Variants in C15orf39 observed in about 807,000 individuals in gnomAD.
C15orf39 encodes uncharacterized protein C15orf39.
In C15orf39, 24 loss-of-function variants were observed where a neutral mutation model predicts 53.9. The ratio of observed to expected loss-of-function variants is 0.45; its 90% CI spans 0.32 to 0.63. The LOEUF is 0.63. Ranked by LOEUF, C15orf39 falls within the 20% of genes least tolerant of loss-of-function variation. C15orf39 has a pLI of 0.04. For synonymous variants in C15orf39, 569 were observed against 576.5 expected, an observed-to-expected ratio of 0.99 and a Z score of 0.19; for missense variants, 1,271 against 1,347.9, an observed-to-expected ratio of 0.94 and a Z score of 0.89.
chr15:75,200,734 A>G (rs555537811), upstream of C15orf39, among the ~76,000 whole-genome samples: 3 of 151,962 alleles, frequency 2.0e-5, no homozygotes, highest in Non-Finnish European at 4.4e-5. Flanking sequence ...GAAAGCCCCA[A>G]CCCTCTCTGA....
intron 1 of C15orf39, among the ~76,000 whole-genome samples, chr15:75,204,487 T>C (rs2070424786): frequency 6.6e-6 from 1 of 151,606 alleles, no homozygotes; most frequent in Non-Finnish European, 1.5e-5. Context: ...TTTTCTTTTC[T>C]TTTTTTTTGT....
At chr15:75,199,165 A>G (rs1197015980), upstream of C15orf39, 1 of 152,258 alleles carries the variant, frequency 6.6e-6, no homozygotes, top group African/African-American at 2.4e-5. Context: ...CACACAGGTC[A>G]GTGGATCAAA....
Position 75,211,683 on chromosome 15 carries a change from TG to T in C15orf39, c.*570del, listed in dbSNP as rs1304606243. The T allele has an allele frequency of 6.6e-6, 1 of 152,218 alleles. No individual in the cohort carries two copies. The highest frequency in any genetic ancestry group is 6.5e-5 in the Admixed American group (1 of 15,284). 9.4% of individuals were successfully genotyped at this position (152,218 alleles called of 1,614,324 possible). A position where few individuals can be genotyped will look rare whatever the true frequency, so the allele number is the denominator to read the frequency against. The stretch of plus-strand genomic sequence containing the variant: ...GGAGTCACCCCCCAGCATTTGGGGT[TG>T]GGTTGGCCCTACTCCAGCCTGGAGC... On this transcript the variant is annotated 3_prime_UTR_variant, in exon 3 of 3. Coordinates refer to ENST00000394987, the MANE Select transcript of C15orf39 (RefSeq NM_015492.5).
In C15orf39 at chr15:75,206,420, C is replaced by T; in HGVS notation, c.372C>T (p.Gly124=). ...GTCCCCAGGCTCACTCCTACCCAGG[C>T]CCACCACTGGCAGCACCCAAACCTG... ...PFSPQAHSYP[G]PPLAAPKPVY... Residue 124 remains glycine (G), a synonymous_variant, in exon 2 of 3, where the codon GGC becomes GGT. Transcript: ENST00000394987. 2 of 1,613,950 alleles carry T rather than the reference C, an allele frequency of 1.2e-6. No individual in the cohort carries two copies. The highest frequency in any genetic ancestry group is 2.2e-5 in the East Asian group (1 of 44,888).
At chr15:75,200,432 C>CAA (rs2070393701), upstream of C15orf39, among the ~76,000 whole-genome samples, 1 of 152,130 alleles carries the variant, frequency 6.6e-6, no homozygotes. Flanking sequence ...CGTCCTAGAC[C>CAA]CCAAGGGCTA....
At position 75,205,995 on chromosome 15, in the gene C15orf39, C is replaced by A; in HGVS notation, c.-50-4C>A. 6.8e-7 allele frequency: 1 copy of A among 1,476,784 alleles called. No individual in the cohort carries two copies. The highest frequency in any genetic ancestry group is 9.0e-7 in the Non-Finnish European group (1 of 1,112,102). 91.5% of individuals were successfully genotyped at this position (1,476,784 alleles called of 1,614,324 possible). On this transcript the variant is annotated splice_region_variant and splice_polypyrimidine_tract_variant and intron_variant, in intron 1 of 2. Coordinates refer to ENST00000394987, the MANE Select transcript of C15orf39 (RefSeq NM_015492.5). ...CAGCCCCTGCCTTTCTCTCTCTATC[C>A]CAGGTCAGAAGTTGAGTAGCAGGGG...
At chr15:75,208,860 G>T in intron 2 of C15orf39, 36 bp downstream of exon 2, 1 of 1,553,916 alleles carries the variant, frequency 6.4e-7, no homozygotes, top group Non-Finnish European at 8.7e-7. Context: ...CACCGGAGCT[G>T]TGTGAGCAAG....
Sources: gnomAD v4.1 joint callset for allele counts (sites outside exome capture counted in the v4.1 genomes callset) on GRCh38, gnomAD v4.1.1 for gene constraint, MANE v1.5 for transcripts, NCBI Gene and HGNC (gene_info 2026-07-23, HGNC 2026-07-21) for gene names.